Variants in CYB5R4 observed in about 807,000 individuals in gnomAD.
The protein encoded by CYB5R4 is cytochrome b5 reductase 4.
In CYB5R4, 55 loss-of-function variants were observed where a neutral mutation model predicts 70.2. The ratio of observed to expected loss-of-function variants is 0.78; its 90% confidence interval spans 0.63 to 0.98. CYB5R4 has a LOEUF of 0.98. Ranked by LOEUF, CYB5R4 falls within the 50% of genes least tolerant of loss-of-function variation. The pLI is 0.00. For missense variants in CYB5R4, 562 were observed against 612.6 expected, an observed-to-expected ratio of 0.92 and a Z score of 0.87; for synonymous variants, 197 against 199.5, an observed-to-expected ratio of 0.99 and a Z score of 0.11.
chr6:83,869,150 C>G (rs538356983), intron 2 of CYB5R4, among the ~76,000 whole-genome samples: 1 of 152,270 alleles, frequency 6.6e-6, no homozygotes, highest in East Asian at 1.9e-4. Context: ...TATAATGGGT[C>G]TGTATTTTTA....
At chr6:83,868,505 A>G (rs1055933015) in intron 2 of CYB5R4, among the ~76,000 whole-genome samples, 1 of 152,190 alleles carries the variant, frequency 6.6e-6, no homozygotes, top group African/African-American at 2.4e-5. Flanking sequence ...ACGTGTATCA[A>G]GTTCCTAATT....
Position 83,914,448 on chromosome 6 carries a change from G to T in CYB5R4, c.445G>T (p.Gly149Cys). The T allele has an allele frequency of 6.6e-7, 1 of 1,518,032 alleles. No homozygotes were observed. The highest frequency in any genetic ancestry group is 1.9e-5 in the Admixed American group (1 of 51,484). The allele number at this position is 1,518,032 out of a possible 1,614,324, so 94.0% of individuals were successfully genotyped here. A position where few individuals can be genotyped will look rare whatever the true frequency, so the allele number is the denominator to read the frequency against. Reference protein sequence around the residue: ...YREEEKKVLNGMLPKSQVTDT... With the variant: ...YREEEKKVLNCMLPKSQVTDT... ...TGAGGAGGAAAAGAAAGTCTTAAAT[G>T]GTAAGTCTATAAATTTATAATAAAT... The change falls in exon 5 of 16, where the codon GGC becomes TGC. Residue 149 changes from glycine (G) to cysteine (C), a missense_variant and splice_region_variant. Transcript: ENST00000369681.
chr6:83,930,855 T>C (rs1435527272), intron 10 of CYB5R4, among the ~76,000 whole-genome samples: 1 of 152,128 alleles, frequency 6.6e-6, no homozygotes, highest in Non-Finnish European at 1.5e-5. Flanking sequence ...GATGGAGATA[T>C]CTGTCATGAA....
intron 2 of CYB5R4, among the ~76,000 whole-genome samples, chr6:83,878,099 C>A (rs1011016153): frequency 3.3e-5 from 5 of 151,982 alleles, no homozygotes; most frequent in Non-Finnish European, 7.4e-5. Context: ...GCCAATAAGC[C>A]CATTAAAGAA....
At chr6:83,924,862 A>T (rs1179187215) in intron 10 of CYB5R4, among the ~76,000 whole-genome samples, 1 of 152,146 alleles carries the variant, frequency 6.6e-6, no homozygotes, top group Non-Finnish European at 1.5e-5. Context: ...TAGACTGTTG[A>T]TCAACCATTT....
intron 3 of CYB5R4, among the ~76,000 whole-genome samples, chr6:83,904,734 A>G (rs1328893882): frequency 6.6e-6 from 1 of 152,176 alleles, no homozygotes; most frequent in Non-Finnish European, 1.5e-5. Flanking sequence ...CTTCAGTTCC[A>G]GAATTTCTGT....
chr6:83,883,081 A>C (rs1485510560), intron 2 of CYB5R4, among the ~76,000 whole-genome samples: 2 of 152,156 alleles, frequency 1.3e-5, no homozygotes, highest in African/African-American at 4.8e-5. Flanking sequence ...AAATACATGA[A>C]ATAACAAATT....
At chr6:83,954,889 G>GT (rs961522765) in intron 14 of CYB5R4, among the ~76,000 whole-genome samples, 7 of 149,766 alleles carry the variant, frequency 4.7e-5, no homozygotes, top group South Asian at 2.1e-4. Flanking sequence ...AGTTTAAACA[G>GT]TTTTTTTTGT....
At chr6:83,955,106 C>T (rs1245398055) in intron 14 of CYB5R4, among the ~76,000 whole-genome samples, 192 bp from the exon 15 acceptor site, 1 of 151,928 alleles carries the variant, frequency 6.6e-6, no homozygotes, top group Non-Finnish European at 1.5e-5. Context: ...AAAAGCTAAT[C>T]CTTAGTAAAT....
At chr6:83,912,034 G>A (rs2099464770) in intron 4 of CYB5R4, among the ~76,000 whole-genome samples, 2 of 145,250 alleles carry the variant, frequency 1.4e-5, no homozygotes, top group Non-Finnish European at 3.0e-5. Context: ...TCCAGCCTGG[G>A]TGACAGAGAG....
chr6:83,911,648 C>T (rs1170004437), intron 4 of CYB5R4, among the ~76,000 whole-genome samples: 2 of 152,132 alleles, frequency 1.3e-5, no homozygotes, highest in East Asian at 1.9e-4. Flanking sequence ...AATACTACTT[C>T]TTCTATAGAG....
At chr6:83,907,984 A>G (rs1478568707) in intron 3 of CYB5R4, among the ~76,000 whole-genome samples, 1 of 152,144 alleles carries the variant, frequency 6.6e-6, no homozygotes, top group Non-Finnish European at 1.5e-5. Context: ...ATTCCTCTGC[A>G]TATATACTCA....
At chr6:83,893,398 T>G (rs1391391141) in intron 2 of CYB5R4, 124 bp from the exon 3 acceptor site, 18 of 617,524 alleles carry the variant, frequency 2.9e-5, no homozygotes, top group Non-Finnish European at 4.8e-5. Context: ...TTCTTGATAC[T>G]TTGAAATAAC....
At chr6:83,903,622 A>G (rs1057009831) in intron 3 of CYB5R4, among the ~76,000 whole-genome samples, 4 of 151,934 alleles carry the variant, frequency 2.6e-5, no homozygotes, top group African/African-American at 9.7e-5. Flanking sequence ...TCTTCTTTCT[A>G]CATTTGGTAA....
chr6:83,893,954 G>A (rs1466605131), intron 3 of CYB5R4, among the ~76,000 whole-genome samples: 1 of 152,164 alleles, frequency 6.6e-6, no homozygotes, highest in African/African-American at 2.4e-5. Context: ...GGAACATTGG[G>A]ATCCGCTGCT....
chr6:83,882,773 ATCAG>A (rs1202861711), intron 2 of CYB5R4, among the ~76,000 whole-genome samples: 1 of 152,094 alleles, frequency 6.6e-6, no homozygotes, highest in African/African-American at 2.4e-5. Context: ...GGATCACGAG[ATCAG>A]GAGATCAAGA....
chr6:83,922,383 CA>C lies in CYB5R4; in HGVS notation c.659-50del, dbSNP rs879053896. 69 of 1,489,294 alleles carry C rather than the reference CA, an allele frequency of 4.6e-5. 1 individual carries two copies. The South Asian group carries it at 6.9e-4, about 15-fold the overall frequency. The allele number at this position is 1,489,294 out of a possible 1,614,324, so 92.3% of individuals were successfully genotyped here. A position where few individuals can be genotyped will look rare whatever the true frequency, so the allele number is the denominator to read the frequency against. The stretch of plus-strand genomic sequence containing the variant: ...AGCCATTTAAATGACATATGGTGTT[CA>C]AAAACTGTATGAATTGAAGTTCTAT... On this transcript the variant is annotated intron_variant, in intron 8 of 15. Transcript: ENST00000369681.
At chr6:83,942,671 C>T (rs1351660985) in intron 14 of CYB5R4, among the ~76,000 whole-genome samples, 2 of 152,236 alleles carry the variant, frequency 1.3e-5, no homozygotes, top group Non-Finnish European at 2.9e-5. Flanking sequence ...TCTTGCTCAG[C>T]GGATCCCACC....
At position 83,967,167 on chromosome 6, in the gene CYB5R4, G is replaced by A. The variant is rs916448891; in HGVS notation, c.*7289G>A. On this transcript the variant is annotated 3_prime_UTR_variant, in exon 16 of 16. Coordinates refer to ENST00000369681, the MANE Select transcript of CYB5R4 (RefSeq NM_016230.4). Reference sequence around the variant, plus strand: ...AAACCAATATAGAATGCAAAAACTTGGGAAATATTGTTTTCCAAAGCCTTT... The same window carrying A: ...AAACCAATATAGAATGCAAAAACTTAGGAAATATTGTTTTCCAAAGCCTTT... 1 of 152,084 alleles carries A rather than the reference G, an allele frequency of 6.6e-6. No individual in the cohort carries two copies. Among genetic ancestry groups the A allele is most frequent in the Non-Finnish European group, 1.5e-5 (1 of 68,024 alleles). The allele number at this position is 152,084 out of a possible 1,614,324, so 9.4% of individuals were successfully genotyped here. A position where few individuals can be genotyped will look rare whatever the true frequency, so the allele number is the denominator to read the frequency against.
Sources: allele counts gnomAD v4.1 joint callset (sites outside exome capture counted in the v4.1 genomes callset), GRCh38; gene constraint gnomAD v4.1.1; transcripts MANE v1.5; gene names NCBI Gene and HGNC (gene_info 2026-07-23, HGNC 2026-07-21).